Variants in PPTC7 observed in about 807,000 individuals in gnomAD.
The protein encoded by PPTC7 is protein phosphatase targeting COQ7.
PPTC7 carries 6 observed loss-of-function variants against 30.8 expected under a neutral mutation model. The observed-to-expected ratio is 0.19, with a 90% CI of 0.11 to 0.38. The LOEUF (loss-of-function observed/expected upper bound fraction) is 0.38. Ranked by LOEUF, PPTC7 falls within the 10% of genes least tolerant of loss-of-function variation. The probability of loss-of-function intolerance (pLI) is 1.00; values close to 1 mark genes in which losing one functional copy is unlikely to be tolerated. For synonymous variants in PPTC7, 163 were observed against 168.1 expected (o/e 0.97, Z 0.23); for missense variants, 218 against 404.8 (o/e 0.54, Z 3.96).
intron 1 of PPTC7, among the ~76,000 whole-genome samples, chr12:110,563,598 A>T (rs2064456571): frequency 6.6e-6 from 1 of 151,958 alleles, no homozygotes; most frequent in Non-Finnish European, 1.5e-5. Flanking sequence ...CTGGGCAACA[A>T]GAGCGAAAAT....
chr12:110,570,871 T>C lies in PPTC7; in HGVS notation c.223+11938A>G, dbSNP rs531822974. Among the ~76,000 whole-genome samples, 1,004 of 152,000 alleles carry C rather than the reference T, an allele frequency of 6.6e-3. 1 individual carries two copies. The highest frequency in any genetic ancestry group is 9.1e-3 in the Non-Finnish European group (619 of 67,946). On this transcript the variant is annotated intron_variant, in intron 1 of 5. Coordinates refer to ENST00000354300, the MANE Select transcript of PPTC7 (RefSeq NM_139283.2). ...ACTCAGAGGCTGGCGGGATCCTCCA[T>C]ATGCTGAACGCTGGTTCCCCGGGTC...
In PPTC7 at chr12:110,582,882, G is replaced by C; in HGVS notation, c.150C>G (p.Gly50=). Residue 50 remains glycine (G), a synonymous_variant, in exon 1 of 6, where the codon GGC becomes GGG. Transcript: ENST00000354300. ...CGTAGCACGCGCCCTTCTTGAGGAGGCCCTTACGGAAGTCCTTCCCGAAGC... is the reference window on the plus strand; with the variant it reads ...CGTAGCACGCGCCCTTCTTGAGGAGCCCCTTACGGAAGTCCTTCCCGAAGC... The part of the protein sequence containing the change: ...GCGFGKDFRK[G]LLKKGACYGD... 6.4e-7 allele frequency: 1 copy of C among 1,555,778 alleles called. No homozygotes were observed. The highest frequency in any genetic ancestry group is 2.4e-5 in the East Asian group (1 of 41,334).
At chr12:110,564,595 C>T (rs1317865192) in intron 1 of PPTC7, among the ~76,000 whole-genome samples, 1 of 152,130 alleles carries the variant, frequency 6.6e-6, no homozygotes, top group Non-Finnish European at 1.5e-5. Flanking sequence ...AAAATAAGGG[C>T]TGGCCTTGAC....
chr12:110,574,599 G>A (rs1047775970), intron 1 of PPTC7, among the ~76,000 whole-genome samples: 1 of 152,116 alleles, frequency 6.6e-6, no homozygotes, highest in South Asian at 2.1e-4. Context: ...AAACTAAATT[G>A]AAAGAGCTGT....
chr12:110,543,882 G>T (rs2064284324), intron 3 of PPTC7, among the ~76,000 whole-genome samples: 1 of 152,210 alleles, frequency 6.6e-6, no homozygotes, highest in Admixed American at 6.5e-5. Flanking sequence ...GCCCCAACCT[G>T]TCTGTCCCAC....
chr12:110,538,035 G>C (rs2064231941), intron 5 of PPTC7, 109 bp downstream of exon 5: 2 of 1,188,714 alleles, frequency 1.7e-6, no homozygotes, highest in African/African-American at 3.1e-5. Flanking sequence ...TGCACAGTTT[G>C]GGGGCTGGGA....
rs1051627695 is a variant in PPTC7 at position 110,533,749 on chromosome 12, CTTG to C, written c.*3285_*3287del. 3.9e-5 allele frequency: 6 copies of C among 152,206 alleles called. No homozygotes were observed. The highest frequency in any genetic ancestry group is 1.4e-4 in the African/African-American group (6 of 41,450). 9.4% of individuals were successfully genotyped at this position (152,206 alleles called of 1,614,324 possible). A position where few individuals can be genotyped will look rare whatever the true frequency, so the allele number is the denominator to read the frequency against. On this transcript the variant is annotated 3_prime_UTR_variant, in exon 6 of 6. Transcript: ENST00000354300. ...ACAAACGTTTACAATTCGAGCCAAT[CTTG>C]TTTACATTCTCTCAAACACTCAAAG...
chr12:110,579,342 A>G (rs2064616803), intron 1 of PPTC7, among the ~76,000 whole-genome samples: 1 of 152,106 alleles, frequency 6.6e-6, no homozygotes, highest in Non-Finnish European at 1.5e-5. Flanking sequence ...CACTGCCCCT[A>G]TCCCCCACCA....
At chr12:110,575,607 CAAAAA>C (rs55831249) in intron 1 of PPTC7, among the ~76,000 whole-genome samples, 2 of 26,518 alleles carry the variant, frequency 7.5e-5, no homozygotes, top group African/African-American at 2.8e-4. Context: ...AACCCCACCT[CAAAAA>C]AAAAAAAAAA....
chr12:110,545,381 C>T (rs988541753), intron 3 of PPTC7, among the ~76,000 whole-genome samples: 1 of 152,240 alleles, frequency 6.6e-6, no homozygotes, highest in African/African-American at 2.4e-5. Context: ...GCGTGAGTCA[C>T]CGTGCCCAGT....
chr12:110,573,029 G>A (rs970622922), intron 1 of PPTC7, among the ~76,000 whole-genome samples: 9 of 152,096 alleles, frequency 5.9e-5, no homozygotes, highest in Admixed American at 1.3e-4. Context: ...ACAGGCGCCC[G>A]ACACTACGCC....
At chr12:110,551,994 A>G (rs760704036) in intron 1 of PPTC7, 26 bp from the exon 2 acceptor site, 2 of 1,586,366 alleles carry the variant, frequency 1.3e-6, no homozygotes, top group Admixed American at 1.8e-5. Flanking sequence ...AAATTACAGT[A>G]AAAGAACAAT....
intron 1 of PPTC7, among the ~76,000 whole-genome samples, chr12:110,558,680 C>T (rs139715908): frequency 0.12 from 18,008 of 152,218 alleles, 1,366 homozygotes; most frequent in African/African-American, 0.22. Flanking sequence ...GGCTGGAGTG[C>T]AGTGGTGCGA....
intron 1 of PPTC7, among the ~76,000 whole-genome samples, chr12:110,574,702 T>C (rs2064572580): frequency 6.6e-6 from 1 of 152,210 alleles, no homozygotes; most frequent in Non-Finnish European, 1.5e-5. Context: ...AGTCTTGATT[T>C]ATGATATGCA....
rs553321611 is a variant in PPTC7, at chr12:110,534,971, C to T, written c.*2066G>A. On this transcript the variant is annotated 3_prime_UTR_variant, in exon 6 of 6. Transcript: ENST00000354300. ...CAGATCATAAGGCTACATACTCTTA[C>T]CAAAAATAATTGAAAACCTAAACAA... 1 of 152,580 alleles carries T rather than the reference C, an allele frequency of 6.6e-6. No individual in the cohort carries two copies. Among genetic ancestry groups the T allele is most frequent in the Non-Finnish European group, 1.5e-5 (1 of 68,024 alleles). The allele number at this position is 152,580 out of a possible 1,614,324, so 9.5% of individuals were successfully genotyped here.
At chr12:110,542,319 GAC>G (rs900425475) in intron 3 of PPTC7, among the ~76,000 whole-genome samples, 8 of 151,276 alleles carry the variant, frequency 5.3e-5, no homozygotes, top group Non-Finnish European at 1.0e-4. Context: ...AAGGCAGAAA[GAC>G]ACACAGACAT....
Position 110,565,036 on chromosome 12 carries a change from G to A in PPTC7, c.224-13068C>T, listed in dbSNP as rs374965879. On this transcript the variant is annotated intron_variant, in intron 1 of 5. Coordinates refer to ENST00000354300, the MANE Select transcript of PPTC7 (RefSeq NM_139283.2). ...ATTACAGGCACCCGTCACCATGCCC[G>A]GTTCATTTTTTGAATTTTTAGTAGA... 3.4e-4 allele frequency among the ~76,000 whole-genome samples: 52 copies of A among 151,320 alleles called. 1 individual carries two copies. Among genetic ancestry groups the A allele is most frequent in the African/African-American group, 1.3e-3 (52 of 41,262 alleles).
At chr12:110,542,309 A>G (rs1038922544) in intron 3 of PPTC7, among the ~76,000 whole-genome samples, 16 of 152,078 alleles carry the variant, frequency 1.1e-4, no homozygotes, top group African/African-American at 3.9e-4. Context: ...TAAAAAAAAA[A>G]AGGCAGAAAG....
Position 110,538,664 on chromosome 12 carries a change from A to G in PPTC7, c.727-391T>C, listed in dbSNP as rs139802423. Among the ~76,000 whole-genome samples, 361 of 152,278 alleles carry G rather than the reference A, an allele frequency of 2.4e-3. 1 individual carries two copies. The highest frequency in any genetic ancestry group is 8.2e-3 in the African/African-American group (341 of 41,534). Reference sequence around the variant, plus strand: ...AAGAGCTACCAGTTGCTCTAGTGAAAATACCTTCAGAATTTTATATCAGGA... The same window carrying G: ...AAGAGCTACCAGTTGCTCTAGTGAAGATACCTTCAGAATTTTATATCAGGA... On this transcript the variant is annotated intron_variant, in intron 4 of 5. Transcript: ENST00000354300.
Sources: allele counts gnomAD v4.1 joint callset (sites outside exome capture counted in the v4.1 genomes callset), GRCh38; gene constraint gnomAD v4.1.1; transcripts MANE v1.5; gene names NCBI Gene and HGNC (gene_info 2026-07-23, HGNC 2026-07-21).